The following CD177 variants were observed in gnomAD, a reference collection of about 807,000 sequenced individuals.
CD177 encodes the protein CD177 molecule.
A neutral mutation model predicts 38.1 loss-of-function variants in CD177; 41 were observed. The ratio of observed to expected loss-of-function variants is 1.07; its 90% CI spans 0.84 to 1.39. The LOEUF (loss-of-function observed/expected upper bound fraction) is 1.39. Among genes scored for constraint, CD177 ranks in the 40% most tolerant of loss-of-function variants. The pLI is 0.00. For missense variants in CD177, 619 were observed against 523.8 expected (o/e 1.18, Z -1.77); for synonymous variants, 236 against 216.7 (o/e 1.09, Z -0.78).
At chr19:43,353,809 G>A (rs935971859) in intron 1 of CD177, 43 bp downstream of exon 1, 1 of 1,613,772 alleles carries the variant, frequency 6.2e-7, no homozygotes, top group Non-Finnish European at 8.5e-7. Context: ...CTGGAGGCCG[G>A]GCAAGGGAAC....
At position 43,361,124 on chromosome 19, in the gene CD177, C is replaced by G. The variant is rs1343235540; in HGVS notation, c.761-19C>G. The G allele has an allele frequency of 1.0e-4, 146 of 1,391,138 alleles. 10 individuals carry two copies. The highest frequency in any genetic ancestry group is 6.1e-4 in the South Asian group (53 of 86,770). The allele number at this position is 1,391,138 out of a possible 1,614,324, so 86.2% of individuals were successfully genotyped here. ...GGGAGCTGCCCAGTCCCCAGCCCAG[C>G]TTTCCCTCTCACCCTCAGGACTCAC... is the stretch of plus-strand genomic sequence containing the variant. On this transcript the variant is annotated intron_variant, in intron 6 of 8. Coordinates refer to ENST00000618265, the MANE Select transcript of CD177 (RefSeq NM_020406.4).
intron 5 of CD177, among the ~76,000 whole-genome samples, chr19:43,359,714 C>T (rs2122244507): frequency 1.8e-5 from 1 of 57,134 alleles, no homozygotes; most frequent in African/African-American, 7.6e-5. Flanking sequence ...GTGATCACAC[C>T]ACCTACTGCT....
chr19:43,354,171 A>G (rs1258766959), intron 2 of CD177, 36 bp from the exon 3 acceptor site: 2 of 1,594,790 alleles, frequency 1.3e-6, no homozygotes, highest in Non-Finnish European at 8.5e-7. Flanking sequence ...TGGAGGCCTG[A>G]CCTCCATCCT....
chr19:43,361,227 CTCCTGGGGTGCT>C lies in CD177; in HGVS notation c.847_858del (p.Pro283_Leu286del). ...CAGAAGACCACCATCCACTCAGCCC[CTCCTGGGGTGCT>C]TGTGGCCTCCTATACCCACTTCTGC... On this transcript the variant is annotated inframe_deletion, in exon 7 of 9. Coordinates refer to ENST00000618265, the MANE Select transcript of CD177 (RefSeq NM_020406.4). 6.4e-7 allele frequency: 1 copy of C among 1,551,142 alleles called. No homozygotes were observed. Among genetic ancestry groups the C allele is most frequent in the Non-Finnish European group, 8.9e-7 (1 of 1,124,586 alleles).
intron 5 of CD177, among the ~76,000 whole-genome samples, chr19:43,359,866 C>T (rs1457075447): frequency 3.7e-5 from 5 of 135,916 alleles, no homozygotes; most frequent in Non-Finnish European, 7.8e-5. Context: ...TGGCCCTTCG[C>T]ATCTTGTTTG....
At chr19:43,355,600 G>A (rs1969916653) in intron 3 of CD177, 61 bp from the exon 4 acceptor site, 2 of 1,604,946 alleles carry the variant, frequency 1.2e-6, no homozygotes, top group Non-Finnish European at 1.7e-6. Context: ...GTGCAGAGAA[G>A]GTATCTGATC....
At chr19:43,361,981 C>G (rs1233120009) in intron 8 of CD177, 107 bp from the exon 9 acceptor site, 7 of 905,520 alleles carry the variant, frequency 7.7e-6, no homozygotes, top group East Asian at 2.5e-5. Context: ...AGCTGGGGGT[C>G]TGGGCTCCTC....
intron 6 of CD177, chr19:43,360,733 G>C: frequency 2.4e-6 from 1 of 416,488 alleles, no homozygotes; most frequent in Non-Finnish European, 4.4e-6. Flanking sequence ...AGGTGCCGCA[G>C]ATCCAATCCC....
chr19:43,354,330 A>G lies in CD177; in HGVS notation c.317A>G (p.Gln106Arg), dbSNP rs761934579. The change falls in exon 3 of 9, where the codon CAG becomes CGG. Residue 106 changes from glutamine (Q) to arginine (R), a missense_variant. Physicochemically the swap from Gln to Arg is conservative, Grantham distance 43. Coordinates refer to ENST00000618265, the MANE Select transcript of CD177 (RefSeq NM_020406.4). ...ATCTCCTACACCTTCGTGTGCCGCC[A>G]GGAGGACTTCTGCAACAACCTCGTT... ...SLISYTFVCR[Q>R]EDFCNNLVNS... The G allele has an allele frequency of 8.7e-6, 14 of 1,613,826 alleles. No individual in the cohort carries two copies. In the South Asian group the frequency reaches 1.4e-4, roughly 16 times the overall value.
At chr19:43,354,891 G>A (rs3859485) in intron 3 of CD177, among the ~76,000 whole-genome samples, 3,461 of 151,546 alleles carry the variant, frequency 0.023, 144 homozygotes, top group African/African-American at 0.077. Context: ...GTTTAGTAGC[G>A]CTTGCAGGTG....
rs1042155018 is a variant in CD177 at position 43,354,830 on chromosome 19, G to T, written c.379+438G>T. Among the ~76,000 whole-genome samples, 3 of 152,136 alleles carry T rather than the reference G, an allele frequency of 2.0e-5. No homozygotes were observed. The East Asian group carries it at 5.8e-4, about 29-fold the overall frequency. On this transcript the variant is annotated intron_variant, in intron 3 of 8. Coordinates refer to ENST00000618265, the MANE Select transcript of CD177 (RefSeq NM_020406.4). ...TAAAGAGTCTAGGGAGATATTTTGC[G>T]CTTCTTTTATTGGAACAGCTTGTGA...
In CD177 at chr19:43,362,320, A is replaced by G. The variant is rs750764133; in HGVS notation, c.1314A>G (p.Ter438=). 1 of 1,423,996 alleles carries G rather than the reference A, an allele frequency of 7.0e-7. No homozygotes were observed. The highest frequency in any genetic ancestry group is 1.2e-5 in the South Asian group (1 of 82,964). 88.2% of individuals were successfully genotyped at this position (1,423,996 alleles called of 1,614,324 possible). A position where few individuals can be genotyped will look rare whatever the true frequency, so the allele number is the denominator to read the frequency against. ...LWWGVVCPSC[*] is the part of the protein sequence containing the mutation. Reference sequence around the variant, plus strand: ...GGGGAGTGGTTTGCCCTTCCTGCTAACTCTATTACCCCCACGATTCTTCAC... The same window carrying G: ...GGGGAGTGGTTTGCCCTTCCTGCTAGCTCTATTACCCCCACGATTCTTCAC... The change falls in exon 9 of 9, where the codon TAA becomes TAG. Residue 438 remains the stop codon, a stop_retained_variant. Transcript: ENST00000618265.
Position 43,356,052 on chromosome 19 carries a change from T to C in CD177, c.563T>C (p.Leu188Pro), listed in dbSNP as rs551935907. The change falls in exon 5 of 9, where the codon CTC becomes CCC. Residue 188 changes from leucine to proline, a missense_variant. Physicochemically the swap from Leu to Pro is moderately conservative, Grantham distance 98. Coordinates refer to ENST00000618265, the MANE Select transcript of CD177 (RefSeq NM_020406.4). ...ATGCCCCAGCCAGTTTGCAACCTGC[T>C]CAATGGGACACAGGAAATTGGGCCC... is the stretch of plus-strand genomic sequence containing the variant. The part of the protein sequence containing the change: ...GCMPQPVCNL[L>P]NGTQEIGPVG... The C allele has an allele frequency of 1.1e-4, 73 of 663,718 alleles. 1 individual carries two copies. The South Asian group carries it at 1.2e-3, about 11-fold the overall frequency. 41.1% of individuals were successfully genotyped at this position (663,718 alleles called of 1,614,324 possible). A position where few individuals can be genotyped will look rare whatever the true frequency, so the allele number is the denominator to read the frequency against.
rs1420687861 is a variant in CD177, at chr19:43,360,917, T to C, written c.761-226T>C. On this transcript the variant is annotated intron_variant, in intron 6 of 8. Transcript: ENST00000618265. ...AAGCTCAGTGCTCAGGGGAGACTCA[T>C]GGAGAAGGTGACCTTTGAGCGAGAA... is the stretch of plus-strand genomic sequence containing the variant. 189 of 607,944 alleles carry C rather than the reference T, an allele frequency of 3.1e-4. No individual in the cohort carries two copies. The East Asian group carries it at 5.1e-3, about 17-fold the overall frequency. 37.7% of individuals were successfully genotyped at this position (607,944 alleles called of 1,614,324 possible). A position where few individuals can be genotyped will look rare whatever the true frequency, so the allele number is the denominator to read the frequency against.
At position 43,360,377 on chromosome 19, in the gene CD177, T is replaced by A; in HGVS notation, c.732T>A (p.Cys244Ter). The change falls in exon 6 of 9, where the codon TGT becomes TGA. Residue 244 changes from cysteine (C) to a stop codon, truncating the protein, a stop_gained. Transcript: ENST00000618265. LOFTEE classifies it high-confidence loss of function. The stretch of plus-strand genomic sequence containing the variant: ...AGATGTGCGAGGTGGGGCAGGTGTG[T>A]CAGGAGACGCTGCTGCTCCTAGATG... ...NTEMCEVGQVCQETLLLLDVG... is the reference protein window; with the variant it reads ...NTEMCEVGQV 6.2e-7 allele frequency: 1 copy of A among 1,607,208 alleles called. No homozygotes were observed. The highest frequency in any genetic ancestry group is 8.5e-7 in the Non-Finnish European group (1 of 1,177,034).
At position 43,361,094 on chromosome 19, in the gene CD177, G is replaced by A. The variant is rs1175768144; in HGVS notation, c.761-49G>A. On this transcript the variant is annotated intron_variant, in intron 6 of 8. Coordinates refer to ENST00000618265, the MANE Select transcript of CD177 (RefSeq NM_020406.4). Reference sequence around the variant, plus strand: ...GGAGTCCAGCTCTGGAGCCCCTGCTGCCCTGGGAGCTGCCCAGTCCCCAGC... The same window carrying A: ...GGAGTCCAGCTCTGGAGCCCCTGCTACCCTGGGAGCTGCCCAGTCCCCAGC... 1.8e-4 allele frequency: 145 copies of A among 796,668 alleles called. No individual in the cohort carries two copies. The African/African-American group carries it at 2.3e-3, about 13-fold the overall frequency. 49.3% of individuals were successfully genotyped at this position (796,668 alleles called of 1,614,324 possible).
chr19:43,354,230 T>C lies in CD177; in HGVS notation c.217T>C (p.Ser73Pro), dbSNP rs1312125670. Residue 73 changes from serine to proline, a missense_variant, in exon 3 of 9, where the codon TCC (serine) becomes CCC (proline). By Grantham distance (74) the Ser-to-Pro change is moderately conservative. Transcript: ENST00000618265. ...AGGACCCCAAGTGAGCCTGGTGCTC[T>C]CCAAGGGCTGCACGGAGGCCAAGGA... ...ESGPQVSLVL[S>P]KGCTEAKDQE... 7 of 1,613,478 alleles carry C rather than the reference T, an allele frequency of 4.3e-6. No individual in the cohort carries two copies. Among genetic ancestry groups the C allele is most frequent in the Non-Finnish European group, 5.9e-6 (7 of 1,179,726 alleles).
intron 3 of CD177, among the ~76,000 whole-genome samples, chr19:43,355,246 A>G (rs990128265): frequency 1.3e-5 from 2 of 149,410 alleles, no homozygotes; most frequent in Admixed American, 6.8e-5. Flanking sequence ...CCCACGTAGC[A>G]GGGACTAGAG....
Position 43,355,742 on chromosome 19 carries a change from G to A in CD177, c.461G>A (p.Gly154Glu), listed in dbSNP as rs940536653. ...ACAACAGAAGAGATCTGCCCCAAGGGGACCACACACTGTTATGATGGCCTC... is the reference window on the plus strand; with the variant it reads ...ACAACAGAAGAGATCTGCCCCAAGGAGACCACACACTGTTATGATGGCCTC... ...EGTTEEICPK[G>E]TTHCYDGLLR... Residue 154 changes from glycine to glutamate, a missense_variant, in exon 4 of 9, where the codon GGG becomes GAG. Gly to Glu is a moderately conservative substitution (Grantham distance 98). Coordinates refer to ENST00000618265, the MANE Select transcript of CD177 (RefSeq NM_020406.4). 1 of 1,613,076 alleles carries A rather than the reference G, an allele frequency of 6.2e-7. No homozygotes were observed. The highest frequency in any genetic ancestry group is 8.5e-7 in the Non-Finnish European group (1 of 1,179,432).
Sources: gnomAD v4.1 joint callset for allele counts (sites outside exome capture counted in the v4.1 genomes callset) on GRCh38, gnomAD v4.1.1 for gene constraint, MANE v1.5 for transcripts, NCBI Gene and HGNC (gene_info 2026-07-23, HGNC 2026-07-21) for gene names.